The following LYG1 variants were observed in gnomAD, a reference collection of about 807,000 sequenced individuals.
LYG1 encodes lysozyme g1.
LYG1 carries 17 observed loss-of-function variants against 21.7 expected under a neutral mutation model. That is an observed-to-expected ratio of 0.78 (90% CI 0.54 to 1.18). The LOEUF (loss-of-function observed/expected upper bound fraction) is 1.18. Among genes scored for constraint, LYG1 ranks in the 50% most tolerant of loss-of-function variants. The probability of loss-of-function intolerance (pLI) is 0.00; values close to 1 mark genes in which losing one functional copy is unlikely to be tolerated. For missense variants in LYG1, 211 were observed against 238.1 expected (o/e 0.89, Z 0.75); for synonymous variants, 81 against 87.4 (o/e 0.93, Z 0.41).
chr2:99,292,543 G>A lies in LYG1; in HGVS notation c.141C>T (p.Asn47=). The part of the protein sequence containing the change: ...SCGIGRRHGL[N]YCGVRASERL... ...GCGAAAGCTCATAGCTACCACAGTA[G>A]TTCAGGCCGTGACGTCTTCCAATCC... Residue 47 remains asparagine, a synonymous_variant, in exon 4 of 7, where the codon AAC becomes AAT. Transcript: ENST00000308528. 1.2e-6 allele frequency: 2 copies of A among 1,613,186 alleles called. No individual in the cohort carries two copies. The highest frequency in any genetic ancestry group is 1.7e-6 in the Non-Finnish European group (2 of 1,179,128).
rs774526346 is a variant in LYG1, at chr2:99,284,793, A to C, written c.361T>G (p.Trp121Gly). 1 of 1,613,264 alleles carries C rather than the reference A, an allele frequency of 6.2e-7. No homozygotes were observed. The highest frequency in any genetic ancestry group is 1.7e-5 in the Admixed American group (1 of 60,008). The change falls in exon 6 of 7, where the codon TGG (tryptophan) becomes GGG (glycine). Residue 121 changes from tryptophan to glycine, a missense_variant. By Grantham distance (184) the Trp-to-Gly change is radical. Coordinates refer to ENST00000308528, the MANE Select transcript of LYG1 (RefSeq NM_174898.3). The stretch of plus-strand genomic sequence containing the variant: ...TGGGAAACCTGAGACTCACTAATCC[A>C]GGATGTGGGAGCTTGAGAGCCAGGG... Reference protein sequence around the residue: ...QDPGSQAPTSWISESQVSQTT... With the variant: ...QDPGSQAPTSGISESQVSQTT...
intron 2 of LYG1, among the ~76,000 whole-genome samples, chr2:99,296,620 C>T (rs1377364437): frequency 6.6e-6 from 1 of 152,104 alleles, no homozygotes; most frequent in African/African-American, 2.4e-5. Context: ...GCCTCCAAAG[C>T]GCCTCCCACC....
intron 5 of LYG1, among the ~76,000 whole-genome samples, chr2:99,285,734 C>T (rs1330255611): frequency 1.3e-5 from 2 of 152,186 alleles, no homozygotes; most frequent in Admixed American, 1.3e-4. Context: ...TGTAGTTTTG[C>T]TTTGCAATAA....
upstream of LYG1, among the ~76,000 whole-genome samples, chr2:99,303,421 G>T (rs2094159735): frequency 6.6e-6 from 1 of 152,026 alleles, no homozygotes; most frequent in Non-Finnish European, 1.5e-5. Context: ...CCAGCATGTT[G>T]CCTGGCAAAG....
chr2:99,291,359 T>C lies in LYG1; in HGVS notation c.211A>G (p.Met71Val), dbSNP rs779599656. The C allele has an allele frequency of 8.1e-6, 13 of 1,614,068 alleles. No homozygotes were observed. The Admixed American group carries it at 8.3e-5, about 10-fold the overall frequency. The change falls in exon 5 of 7, where the codon ATG becomes GTG. Residue 71 changes from methionine to valine, a missense_variant. Physicochemically the swap from Met to Val is conservative, Grantham distance 21 (BLOSUM62 1). Coordinates refer to ENST00000308528, the MANE Select transcript of LYG1 (RefSeq NM_174898.3). ...DMPYLLKYQPMMQTIGQKYCM... is the reference protein window; with the variant it reads ...DMPYLLKYQPVMQTIGQKYCM... ...TACTTTTGGCCAATGGTTTGCATCA[T>C]GGGTTGATATTTCAGGAGGTATGGC...
rs760800522 is a variant in LYG1 at position 99,292,657 on chromosome 2, G to C, written c.44-17C>G. On this transcript the variant is annotated splice_polypyrimidine_tract_variant and intron_variant, in intron 3 of 6. Transcript: ENST00000308528. ...CAGACAAGTCTACAAGTTGAGAAAA[G>C]TTCAGCCTAAGGCATGGAACTAGTT... is the stretch of plus-strand genomic sequence containing the variant. The C allele has an allele frequency of 8.3e-6, 13 of 1,574,282 alleles. No individual in the cohort carries two copies. Among genetic ancestry groups the C allele is most frequent in the Middle Eastern group, 3.3e-4 (2 of 6,010 alleles).
rs143659490 is a variant in LYG1 at position 99,291,365 on chromosome 2, G to C, written c.205C>G (p.Gln69Glu). ...TGGCCAATGGTTTGCATCATGGGTT[G>C]ATATTTCAGGAGGTATGGCATGTCT... ...EIDMPYLLKY[Q>E]PMMQTIGQKY... The change falls in exon 5 of 7, where the codon CAA becomes GAA. Residue 69 changes from glutamine (Q) to glutamate (E), a missense_variant. Transcript: ENST00000308528. The C allele has an allele frequency of 1.1e-5, 18 of 1,614,056 alleles. No individual in the cohort carries two copies. The highest frequency in any genetic ancestry group is 1.4e-5 in the Non-Finnish European group (17 of 1,180,044).
chr2:99,288,246 C>T lies in LYG1; in HGVS notation c.333+2991G>A, dbSNP rs964034967. ...ATTCTCTCCATACCAAATATTTTTTCTTCTAAAGTGTATTTTATTTAATAT... is the reference window on the plus strand; with the variant it reads ...ATTCTCTCCATACCAAATATTTTTTTTTCTAAAGTGTATTTTATTTAATAT... On this transcript the variant is annotated intron_variant, in intron 5 of 6. Transcript: ENST00000308528. 1.4e-4 allele frequency among the ~76,000 whole-genome samples: 22 copies of T among 151,952 alleles called. 1 individual carries two copies. Among genetic ancestry groups the T allele is most frequent in the Admixed American group, 5.9e-4 (9 of 15,254 alleles).
chr2:99,302,838 C>T (rs1323116311), upstream of LYG1, among the ~76,000 whole-genome samples: 3 of 151,676 alleles, frequency 2.0e-5, no homozygotes, highest in East Asian at 1.9e-4. Flanking sequence ...GCCAACATGG[C>T]GAAACCCCAT....
intron 1 of LYG1, among the ~76,000 whole-genome samples, chr2:99,298,853 A>C (rs938958098): frequency 6.6e-6 from 1 of 151,790 alleles, no homozygotes; most frequent in African/African-American, 2.4e-5. Flanking sequence ...CTCTGTGTCT[A>C]CCTACTCATT....
intron 5 of LYG1, among the ~76,000 whole-genome samples, chr2:99,288,884 G>A (rs2094110100): frequency 1.3e-5 from 2 of 151,914 alleles, no homozygotes; most frequent in African/African-American, 4.8e-5. Flanking sequence ...TTTTGTAACC[G>A]AAACTATGTC....
Position 99,292,640 on chromosome 2 carries a change from T to TC in LYG1, c.44-1dup (p.Asp15GlyfsTer4). On this transcript the variant is annotated frameshift_variant and splice_region_variant. Coordinates refer to ENST00000308528, the MANE Select transcript of LYG1 (RefSeq NM_174898.3). LOFTEE classifies it high-confidence loss of function. ...TCCCCAGTTGCTGCTTTCAGACAAGTCTACAAGTTGAGAAAAGTTCAGCCT... is the reference window on the plus strand; with the variant it reads ...TCCCCAGTTGCTGCTTTCAGACAAGTCCTACAAGTTGAGAAAAGTTCAGCCT... 6.2e-7 allele frequency: 1 copy of TC among 1,612,276 alleles called. No homozygotes were observed.
chr2:99,302,524 T>C (rs1350318553), upstream of LYG1, among the ~76,000 whole-genome samples: 1 of 152,238 alleles, frequency 6.6e-6, no homozygotes, highest in African/African-American at 2.4e-5. Flanking sequence ...TGGATATTTC[T>C]ACCATAGCAC....
chr2:99,290,299 C>A (rs1182272845), intron 5 of LYG1, among the ~76,000 whole-genome samples: 1 of 152,188 alleles, frequency 6.6e-6, no homozygotes, highest in East Asian at 1.9e-4. Context: ...CCCAGTTCTG[C>A]CTCTTGCAGC....
chr2:99,287,843 T>C (rs1475890318), intron 5 of LYG1, among the ~76,000 whole-genome samples: 1 of 152,182 alleles, frequency 6.6e-6, no homozygotes, highest in East Asian at 1.9e-4. Context: ...TGATATATGA[T>C]CAACTTTTGT....
chr2:99,297,331 C>T (rs2094139826), intron 2 of LYG1, among the ~76,000 whole-genome samples: 1 of 152,160 alleles, frequency 6.6e-6, no homozygotes, highest in Non-Finnish European at 1.5e-5. Flanking sequence ...CAAAGAGCTG[C>T]TTGGGTATAG....
At chr2:99,296,103 T>C (rs1250944527) in intron 2 of LYG1, among the ~76,000 whole-genome samples, 1 of 151,956 alleles carries the variant, frequency 6.6e-6, no homozygotes, top group East Asian at 1.9e-4. Context: ...AAAAGGAGAA[T>C]TTTGTATTGG....
intron 2 of LYG1, 135 bp from the exon 3 acceptor site, chr2:99,295,837 T>C: frequency 1.2e-6 from 1 of 861,490 alleles, no homozygotes; most frequent in Non-Finnish European, 1.8e-6. Flanking sequence ...ATTATTTGAA[T>C]CATAGTGAAA....
At chr2:99,293,258 C>T (rs1276163024) in intron 3 of LYG1, among the ~76,000 whole-genome samples, 1 of 152,210 alleles carries the variant, frequency 6.6e-6, no homozygotes, top group Non-Finnish European at 1.5e-5. Flanking sequence ...TCCCAAAGTG[C>T]TGGGATCACA....
Sources: allele counts gnomAD v4.1 joint callset (sites outside exome capture counted in the v4.1 genomes callset), GRCh38; gene constraint gnomAD v4.1.1; transcripts MANE v1.5; gene names NCBI Gene and HGNC (gene_info 2026-07-23, HGNC 2026-07-21).